Variants in LRBA observed in about 807,000 individuals in gnomAD.
LRBA encodes the protein lipopolysaccharide-responsive and beige-like anchor protein.
A neutral mutation model predicts 330.0 loss-of-function variants in LRBA; 176 were observed. The ratio of observed to expected loss-of-function variants is 0.53; its 90% CI spans 0.47 to 0.60. The LOEUF is 0.60. Among genes scored for constraint, LRBA ranks in the 20% least tolerant of loss-of-function variants. The pLI is 0.00. For missense variants in LRBA, 3,259 were observed against 3,444.8 expected (o/e 0.95, Z 1.35); for synonymous variants, 1,230 against 1,193.0 (o/e 1.03, Z -0.64).
chr4:150,778,644 T>A (rs140178623), intron 34 of LRBA, among the ~76,000 whole-genome samples: 1 of 152,282 alleles, frequency 6.6e-6, no homozygotes, highest in East Asian at 1.9e-4. Context: ...AAAGCTTAAT[T>A]TCCATAAAGG....
chr4:150,371,039 G>A (rs1740206210), intron 47 of LRBA, among the ~76,000 whole-genome samples: 2 of 151,946 alleles, frequency 1.3e-5, no homozygotes, highest in Admixed American at 6.6e-5. Flanking sequence ...GGCCTACAGA[G>A]AAAGAAGCAT....
At chr4:150,898,167 CAG>C (rs1393264841) in intron 14 of LRBA, among the ~76,000 whole-genome samples, 1 of 151,798 alleles carries the variant, frequency 6.6e-6, no homozygotes, top group Non-Finnish European at 1.5e-5. Context: ...AGTAAGGTAA[CAG>C]AAGTTTACAA....
intron 40 of LRBA, among the ~76,000 whole-genome samples, chr4:150,533,667 C>T (rs1049572006): frequency 5.3e-5 from 8 of 152,212 alleles, no homozygotes; most frequent in East Asian, 3.9e-4. Flanking sequence ...AGTAGCATGA[C>T]GTTGTTGAGC....
At position 150,852,571 on chromosome 4, in the gene LRBA, C is replaced by T; in HGVS notation, c.3139G>A (p.Asp1047Asn). The T allele has an allele frequency of 6.2e-7, 1 of 1,613,914 alleles. No homozygotes were observed. Among genetic ancestry groups the T allele is most frequent in the Non-Finnish European group, 8.5e-7 (1 of 1,179,982 alleles). ...ATTATGTCAGAAGATACTTCTAAAT[C>T]ATCTGCATTCCTTGTCTCATTTGTC... ...TLTNETRNAD[D>N]LEVSSDIIEA... Residue 1047 changes from aspartate to asparagine, a missense_variant, in exon 23 of 57, where the codon GAT becomes AAT. Asp to Asn is a conservative substitution (Grantham distance 23). Transcript: ENST00000651943.
At chr4:150,527,758 G>A (rs1350535996) in intron 40 of LRBA, among the ~76,000 whole-genome samples, 2 of 152,140 alleles carry the variant, frequency 1.3e-5, no homozygotes, top group African/African-American at 4.8e-5. Flanking sequence ...CTTGCCAGGA[G>A]GTTTTTCACT....
intron 46 of LRBA, among the ~76,000 whole-genome samples, chr4:150,431,907 T>A (rs1750433639): frequency 6.6e-6 from 1 of 152,074 alleles, no homozygotes; most frequent in South Asian, 2.1e-4. Context: ...ATGCTATAAA[T>A]AAAAGATTGC....
At chr4:150,469,321 TC>T (rs1484092534) in intron 43 of LRBA, among the ~76,000 whole-genome samples, 1 of 152,110 alleles carries the variant, frequency 6.6e-6, no homozygotes, top group Non-Finnish European at 1.5e-5. Context: ...CTTAACTCCA[TC>T]CTCTAATGCA....
chr4:150,572,807 T>C (rs767813604), intron 40 of LRBA, among the ~76,000 whole-genome samples: 22 of 152,102 alleles, frequency 1.4e-4, no homozygotes, highest in Non-Finnish European at 2.9e-4. Context: ...GTTGCTACTG[T>C]TCTGGAGCTC....
chr4:150,545,989 C>T (rs1765817091), intron 40 of LRBA, among the ~76,000 whole-genome samples: 1 of 151,746 alleles, frequency 6.6e-6, no homozygotes, highest in African/African-American at 2.4e-5. Flanking sequence ...CAGGTATAGT[C>T]ACAAAGAGCA....
At chr4:150,686,670 T>C (rs1783653987) in intron 36 of LRBA, among the ~76,000 whole-genome samples, 1 of 152,186 alleles carries the variant, frequency 6.6e-6, no homozygotes, top group Admixed American at 6.5e-5. Context: ...TGTCCTTGTC[T>C]AACTTCACCT....
At chr4:150,383,151 G>A (rs1191584638) in intron 47 of LRBA, among the ~76,000 whole-genome samples, 1 of 152,190 alleles carries the variant, frequency 6.6e-6, no homozygotes. Context: ...TGATAGTAGT[G>A]CTCAAAGTAG....
At chr4:150,308,188 C>T (rs1730602621) in intron 52 of LRBA, among the ~76,000 whole-genome samples, 1 of 152,162 alleles carries the variant, frequency 6.6e-6, no homozygotes, top group African/African-American at 2.4e-5. Context: ...GCTGAAATAT[C>T]TACTGTCATA....
At chr4:150,362,047 C>T (rs1218057178) in intron 47 of LRBA, among the ~76,000 whole-genome samples, 1 of 152,212 alleles carries the variant, frequency 6.6e-6, no homozygotes, top group Non-Finnish European at 1.5e-5. Flanking sequence ...GCTGGGATTA[C>T]AGGCATGAGC....
chr4:150,669,513 T>C (rs930115325), intron 37 of LRBA, among the ~76,000 whole-genome samples: 3 of 152,206 alleles, frequency 2.0e-5, no homozygotes, highest in Non-Finnish European at 4.4e-5. Flanking sequence ...CTTTATATTT[T>C]TGGAGACTAC....
intron 48 of LRBA, 59 bp downstream of exon 48, chr4:150,349,933 G>C: frequency 6.8e-7 from 1 of 1,473,142 alleles, no homozygotes; most frequent in South Asian, 1.2e-5. Context: ...GTGTTCTCTA[G>C]CTCCTTCTAG....
intron 34 of LRBA, among the ~76,000 whole-genome samples, chr4:150,778,348 C>T (rs1737713430): frequency 6.6e-6 from 1 of 152,090 alleles, no homozygotes; most frequent in Non-Finnish European, 1.5e-5. Context: ...AGTAACTATT[C>T]ATGGCATTCA....
intron 2 of LRBA, among the ~76,000 whole-genome samples, chr4:150,990,823 A>G (rs1164930078): frequency 6.6e-6 from 1 of 152,176 alleles, no homozygotes; most frequent in Non-Finnish European, 1.5e-5. Flanking sequence ...AGTTGAGACC[A>G]GCCTGGCCAA....
rs766426605 is a variant in LRBA, at chr4:150,868,224, G to C, written c.2531C>G (p.Ser844Cys). ...GTTATTAAAAAGTTTAATCATGTCA[G>C]AAAGAAAGGCTCTGCGAACCTCCAT... ...ESMEVRRAFL[S>C]DMIKLFNNSR... is the part of the protein sequence containing the mutation. The change falls in exon 21 of 57, where the codon TCT (serine) becomes TGT (cysteine). Residue 844 changes from serine to cysteine, a missense_variant. Coordinates refer to ENST00000651943, the MANE Select transcript of LRBA (RefSeq NM_001364905.1). 6.2e-7 allele frequency: 1 copy of C among 1,612,776 alleles called. No individual in the cohort carries two copies. The highest frequency in any genetic ancestry group is 1.1e-5 in the South Asian group (1 of 90,934).
intron 31 of LRBA, among the ~76,000 whole-genome samples, chr4:150,816,862 T>C (rs1343988348): frequency 6.6e-6 from 1 of 151,964 alleles, no homozygotes; most frequent in Non-Finnish European, 1.5e-5. Flanking sequence ...GAATCTATCA[T>C]TCATCCATGC....
Sources: gnomAD v4.1 joint callset for allele counts (sites outside exome capture counted in the v4.1 genomes callset) on GRCh38, gnomAD v4.1.1 for gene constraint, MANE v1.5 for transcripts, NCBI Gene and HGNC (gene_info 2026-07-23, HGNC 2026-07-21) for gene names.